The following CELA1 variants were observed in gnomAD, a reference collection of about 807,000 sequenced individuals.
The protein encoded by CELA1 is chymotrypsin-like elastase family member 1.
In CELA1, 28 loss-of-function variants were observed where a neutral mutation model predicts 34.8. The ratio of observed to expected loss-of-function variants is 0.80; its 90% confidence interval spans 0.60 to 1.10. The LOEUF (loss-of-function observed/expected upper bound fraction) is 1.10. Among genes scored for constraint, CELA1 ranks in the 50% least tolerant of loss-of-function variants. The pLI, the probability that CELA1 is intolerant of heterozygous loss-of-function variation, is 0.00. For synonymous variants in CELA1, 140 were observed against 129.8 expected, an observed-to-expected ratio of 1.08 and a Z score of -0.53; for missense variants, 288 against 327.5, an observed-to-expected ratio of 0.88 and a Z score of 0.93.
At chr12:51,344,324 C>G (rs17860297) in intron 2 of CELA1, among the ~76,000 whole-genome samples, 3,227 of 152,268 alleles carry the variant, frequency 0.021, 115 homozygotes, top group African/African-American at 0.074. Flanking sequence ...CATTATCTCT[C>G]TAGGTTGTTG....
At chr12:51,336,120 A>G (rs1297025372) in intron 6 of CELA1, among the ~76,000 whole-genome samples, 1 of 152,206 alleles carries the variant, frequency 6.6e-6, no homozygotes, top group Non-Finnish European at 1.5e-5. Flanking sequence ...CTGAGATTTC[A>G]TAATATCCTT....
intron 1 of CELA1, 56 bp from the exon 2 acceptor site, chr12:51,345,933 A>C: frequency 6.1e-6 from 5 of 820,902 alleles, no homozygotes; most frequent in African/African-American, 1.8e-5. Context: ...AGCCAGGGGT[A>C]GGGGTGGGGG....
At chr12:51,340,172 G>A (rs1946525495) in intron 5 of CELA1, among the ~76,000 whole-genome samples, 167 bp from the exon 6 acceptor site, 1 of 152,054 alleles carries the variant, frequency 6.6e-6, no homozygotes, top group African/African-American at 2.4e-5. Context: ...TCTTTATATG[G>A]CCGCACAGGA....
intron 6 of CELA1, among the ~76,000 whole-genome samples, chr12:51,334,225 A>G (rs1946488194): frequency 6.6e-6 from 1 of 152,146 alleles, no homozygotes; most frequent in African/African-American, 2.4e-5. Context: ...GAAAGGTTAA[A>G]CCTTAGGAGG....
chr12:51,330,464 T>C (rs1946463131), intron 6 of CELA1, among the ~76,000 whole-genome samples: 1 of 152,198 alleles, frequency 6.6e-6, no homozygotes, highest in Non-Finnish European at 1.5e-5. Context: ...GATACTTCTC[T>C]GGAAAAACTG....
At position 51,341,247 on chromosome 12, in the gene CELA1, T is replaced by A; in HGVS notation, c.460A>T (p.Lys154Ter). 6.2e-7 allele frequency: 1 copy of A among 1,614,110 alleles called. No homozygotes were observed. Among genetic ancestry groups the A allele is most frequent in the South Asian group, 1.1e-5 (1 of 91,086 alleles). Residue 154 changes from lysine to a stop codon, truncating the protein, a stop_gained, in exon 5 of 8, where the codon AAG becomes TAG. Coordinates refer to ENST00000293636, the MANE Select transcript of CELA1 (RefSeq NM_001971.6). LOFTEE classifies it high-confidence loss of function. ...TGTGCCAATGTAGGCAACTTACTCT[T>A]GGTCTTGCCCCAGCCTGTGATGTAG... ...PCYITGWGKT[K>*]TNGQLAQTLQ...
chr12:51,341,105 C>T (rs1946531631), intron 5 of CELA1, 139 bp downstream of exon 5: 2 of 760,188 alleles, frequency 2.6e-6, no homozygotes, highest in East Asian at 5.1e-5. Context: ...TGATATAATG[C>T]ATCAGTTATT....
At chr12:51,330,827 G>A (rs1258004444) in intron 6 of CELA1, among the ~76,000 whole-genome samples, 1 of 151,650 alleles carries the variant, frequency 6.6e-6, no homozygotes, top group Non-Finnish European at 1.5e-5. Context: ...AAAATTAGCC[G>A]GGCGTGGTGG....
intron 5 of CELA1, 21 bp downstream of exon 5, chr12:51,341,223 G>T (rs1413959193): frequency 1.2e-5 from 19 of 1,613,606 alleles, no homozygotes; most frequent in Non-Finnish European, 1.6e-5. Context: ...GTGGTGGATT[G>T]TGCCAATGTA....
rs142638987 is a variant in CELA1, at chr12:51,336,511, C to T, written c.609+3349G>A. Reference sequence around the variant, plus strand: ...GTGTTGTGGCACATGCCTGTAATCCCGGCTACTTAGGAACCTGAGGTAGTA... The same window carrying T: ...GTGTTGTGGCACATGCCTGTAATCCTGGCTACTTAGGAACCTGAGGTAGTA... On this transcript the variant is annotated intron_variant, in intron 6 of 7. Transcript: ENST00000293636. Among the ~76,000 whole-genome samples the T allele has an allele frequency of 3.7e-4, 57 of 152,250 alleles. 1 individual carries two copies. Among genetic ancestry groups the T allele is most frequent in the East Asian group, 1.9e-3 (10 of 5,184 alleles).
At chr12:51,329,615 T>G in intron 7 of CELA1, 69 bp downstream of exon 7, 1 of 1,467,394 alleles carries the variant, frequency 6.8e-7, no homozygotes, top group Non-Finnish European at 9.1e-7. Context: ...CCAACGTTTG[T>G]TCCCCAACCC....
chr12:51,328,464 G>A lies in CELA1; in HGVS notation c.*113C>T. ...TGATAATGTATATCTAGTTTTATTT[G>A]CTTTTCTATCAATGGCTCAATAGTC... On this transcript the variant is annotated 3_prime_UTR_variant, in exon 8 of 8. Transcript: ENST00000293636. 4 of 1,124,006 alleles carry A rather than the reference G, an allele frequency of 3.6e-6. No homozygotes were observed. The South Asian group carries it at 5.1e-5, about 14-fold the overall frequency. 69.6% of individuals were successfully genotyped at this position (1,124,006 alleles called of 1,614,324 possible).
At position 51,341,105 on chromosome 12, in the gene CELA1, CATCAGTTA is replaced by C; in HGVS notation, c.463+131_463+138del. On this transcript the variant is annotated intron_variant, in intron 5 of 7. Coordinates refer to ENST00000293636, the MANE Select transcript of CELA1 (RefSeq NM_001971.6). ...AGCCCATTCTTAGCTTGATATAATG[CATCAGTTA>C]TTGTATCTATGGTTCTTTTAGCTCC... 3.9e-6 allele frequency: 3 copies of C among 760,190 alleles called. No homozygotes were observed. The East Asian group carries it at 7.6e-5, about 19-fold the overall frequency. The allele number at this position is 760,190 out of a possible 1,614,324, so 47.1% of individuals were successfully genotyped here. A position where few individuals can be genotyped will look rare whatever the true frequency, so the allele number is the denominator to read the frequency against.
Position 51,342,686 on chromosome 12 carries a change from C to CT in CELA1, c.214_215insA (p.Arg72GlnfsTer8). On this transcript the variant is annotated frameshift_variant, in exon 4 of 8. Coordinates refer to ENST00000293636, the MANE Select transcript of CELA1 (RefSeq NM_001971.6). LOFTEE classifies it high-confidence loss of function. ...CAGGTTATGGTCTCCAGCCACCACG[C>CT]GGAAAGTCTTCTGGCTGGCGTGAGA... 6.2e-7 allele frequency: 1 copy of CT among 1,614,086 alleles called. No individual in the cohort carries two copies. The highest frequency in any genetic ancestry group is 1.3e-5 in the African/African-American group (1 of 74,998).
intron 2 of CELA1, among the ~76,000 whole-genome samples, chr12:51,344,838 T>G (rs2137484767): frequency 6.6e-6 from 1 of 151,740 alleles, no homozygotes; most frequent in East Asian, 2.0e-4. Flanking sequence ...GAAATACCAA[T>G]GGGAGGCCAG....
rs552796451 is a variant in CELA1, at chr12:51,346,522, T to C, written c.16+101A>G. On this transcript the variant is annotated intron_variant, in intron 1 of 7. Transcript: ENST00000293636. ...GTGCTGGCCTGGACTTAGGGAAAAT[T>C]TGCTGACCTTCCTGCCCAAGTCCCC... The C allele has an allele frequency of 1.7e-6, 2 of 1,197,466 alleles. 1 individual carries two copies. The highest frequency in any genetic ancestry group is 3.0e-5 in the African/African-American group (2 of 67,102). The allele number at this position is 1,197,466 out of a possible 1,614,324, so 74.2% of individuals were successfully genotyped here. A position where few individuals can be genotyped will look rare whatever the true frequency, so the allele number is the denominator to read the frequency against.
chr12:51,345,832 C>G lies in CELA1; in HGVS notation c.62G>C (p.Gly21Ala). The change falls in exon 2 of 8, where the codon GGA (glycine) becomes GCA (alanine). Residue 21 changes from glycine (G) to alanine (A), a missense_variant. By Grantham distance (60) the Gly-to-Ala change is moderately conservative. Transcript: ENST00000293636. ...GGAATTCCTCCCGGCCTCAGTCCCTCCGACTACGCGGGCATTGGTTTCCGG... is the reference window on the plus strand; with the variant it reads ...GGAATTCCTCCCGGCCTCAGTCCCTGCGACTACGCGGGCATTGGTTTCCGG... The part of the protein sequence containing the change: ...DLPETNARVV[G>A]GTEAGRNSWP... 6.4e-7 allele frequency: 1 copy of G among 1,559,552 alleles called. No individual in the cohort carries two copies. Among genetic ancestry groups the G allele is most frequent in the Non-Finnish European group, 8.7e-7 (1 of 1,150,926 alleles).
intron 6 of CELA1, among the ~76,000 whole-genome samples, chr12:51,333,508 T>C (rs1325668149): frequency 1.3e-5 from 2 of 151,582 alleles, no homozygotes; most frequent in Non-Finnish European, 2.9e-5. Flanking sequence ...GTCCTCCCAC[T>C]TCAGTATTCC....
chr12:51,329,938 C>G, intron 6 of CELA1, 105 bp from the exon 7 acceptor site: 1 of 1,090,666 alleles, frequency 9.2e-7, no homozygotes, highest in Non-Finnish European at 1.3e-6. Context: ...GGTTTTAAAG[C>G]TCCAATGCAA....
Sources: gnomAD v4.1 joint callset for allele counts (sites outside exome capture counted in the v4.1 genomes callset) on GRCh38, gnomAD v4.1.1 for gene constraint, MANE v1.5 for transcripts, NCBI Gene and HGNC (gene_info 2026-07-23, HGNC 2026-07-21) for gene names.